The following CSMD1 variants were observed in gnomAD, a reference collection of about 807,000 sequenced individuals.
The protein encoded by CSMD1 is CUB and sushi domain-containing protein 1.
CSMD1 carries 213 observed loss-of-function variants against 417.5 expected under a neutral mutation model. That is an observed-to-expected ratio of 0.51 (90% confidence interval 0.46 to 0.57). The LOEUF (loss-of-function observed/expected upper bound fraction) is 0.57. CSMD1 is among the 20% of genes least tolerant of loss of function. The pLI is 0.00. For missense variants in CSMD1, 6,923 were observed against 4,529.7 expected (o/e 1.53, Z -15.17); for synonymous variants, 2,862 against 1,736.8 (o/e 1.65, Z -16.11).
chr8:4,049,950 C>G (rs1489674809), intron 3 of CSMD1, among the ~76,000 whole-genome samples: 1 of 152,322 alleles, frequency 6.6e-6, no homozygotes, highest in East Asian at 1.9e-4. Flanking sequence ...CGTGCCGTTC[C>G]TCTTTAGGTG....
intron 6 of CSMD1, among the ~76,000 whole-genome samples, chr8:3,734,416 A>C (rs369796288): frequency 6.6e-6 from 1 of 152,210 alleles, no homozygotes; most frequent in Non-Finnish European, 1.5e-5. Context: ...CTCAATTTAA[A>C]ATACAGAAAC....
At chr8:4,373,794 T>C (rs963857765) in intron 3 of CSMD1, among the ~76,000 whole-genome samples, 3 of 152,180 alleles carry the variant, frequency 2.0e-5, no homozygotes, top group South Asian at 2.1e-4. Flanking sequence ...TTTGATAAAT[T>C]TGTTATAGTC....
At chr8:3,157,220 C>G (rs763469577) in intron 39 of CSMD1, among the ~76,000 whole-genome samples, 40 of 152,018 alleles carry the variant, frequency 2.6e-4, no homozygotes, top group Non-Finnish European at 4.7e-4. Flanking sequence ...ATGGGTGAAG[C>G]TGGGGGCCTG....
At chr8:4,451,113 A>AG (rs1216917069) in intron 2 of CSMD1, among the ~76,000 whole-genome samples, 1 of 152,188 alleles carries the variant, frequency 6.6e-6, no homozygotes, top group Non-Finnish European at 1.5e-5. Flanking sequence ...ATTACTCCTG[A>AG]GTTCAAGAGA....
intron 1 of CSMD1, among the ~76,000 whole-genome samples, chr8:4,859,502 A>T (rs973261813): frequency 6.6e-6 from 1 of 152,202 alleles, no homozygotes; most frequent in Non-Finnish European, 1.5e-5. Flanking sequence ...AATTCTCGCA[A>T]CCTACTCATC....
intron 25 of CSMD1, among the ~76,000 whole-genome samples, chr8:3,290,378 C>T (rs1472357590): frequency 6.8e-6 from 1 of 146,646 alleles, no homozygotes; most frequent in African/African-American, 2.7e-5. Context: ...TCATTGGTAA[C>T]TTGAAGGGGA....
chr8:4,845,367 A>C (rs1313864662), intron 1 of CSMD1, among the ~76,000 whole-genome samples: 1 of 152,228 alleles, frequency 6.6e-6, no homozygotes, highest in African/African-American at 2.4e-5. Flanking sequence ...ACACCAACAC[A>C]CACCATACAT....
chr8:3,087,789 A>C (rs1814650955), intron 48 of CSMD1, among the ~76,000 whole-genome samples: 1 of 152,220 alleles, frequency 6.6e-6, no homozygotes, highest in Admixed American at 6.5e-5. Flanking sequence ...GAATGACCTC[A>C]CTCACCTCTC....
chr8:3,637,524 C>G (rs894304696), intron 7 of CSMD1, among the ~76,000 whole-genome samples: 1 of 152,124 alleles, frequency 6.6e-6, no homozygotes, highest in Non-Finnish European at 1.5e-5. Flanking sequence ...AACTACCTGA[C>G]AAGAAGTATA....
chr8:4,440,944 C>T (rs1037170179), intron 2 of CSMD1, among the ~76,000 whole-genome samples: 1 of 151,074 alleles, frequency 6.6e-6, no homozygotes, highest in African/African-American at 2.4e-5. Context: ...TTGCAGCGAG[C>T]CGAGATCATG....
rs1299161056 is a variant in CSMD1, at chr8:3,125,087, A to T, written c.6242-6500T>A. ...CTCTTTTCTCAAATGTCTTTTCCAA[A>T]CTTGGATTCACTGTCACACTTCACA... On this transcript the variant is annotated intron_variant, in intron 41 of 69. Transcript: ENST00000635120. Among the ~76,000 whole-genome samples, 3 of 152,214 alleles carry T rather than the reference A, an allele frequency of 2.0e-5. No homozygotes were observed. The East Asian group carries it at 5.8e-4, about 29-fold the overall frequency.
intron 3 of CSMD1, among the ~76,000 whole-genome samples, chr8:4,184,770 T>C (rs902785607): frequency 3.7e-5 from 1 of 27,136 alleles, no homozygotes; most frequent in African/African-American, 9.9e-5. Flanking sequence ...GGTGATGAAA[T>C]AATCTGTACC....
At chr8:3,778,763 GT>G (rs1373061358) in intron 5 of CSMD1, among the ~76,000 whole-genome samples, 4 of 152,184 alleles carry the variant, frequency 2.6e-5, no homozygotes, top group Non-Finnish European at 5.9e-5. Flanking sequence ...ATAATTGCTT[GT>G]GATTGGGTAT....
At chr8:3,009,343 T>A (rs1808206805) in intron 52 of CSMD1, among the ~76,000 whole-genome samples, 1 of 152,244 alleles carries the variant, frequency 6.6e-6, no homozygotes, top group South Asian at 2.1e-4. Flanking sequence ...TTACTGGTAC[T>A]TATTGCTGAA....
intron 3 of CSMD1, among the ~76,000 whole-genome samples, chr8:4,279,009 G>T (rs766072341): frequency 6.6e-6 from 1 of 152,130 alleles, no homozygotes; most frequent in Non-Finnish European, 1.5e-5. Flanking sequence ...TTTACTGACA[G>T]TTGTTAAAGT....
At chr8:4,213,551 A>G (rs1278604090) in intron 3 of CSMD1, among the ~76,000 whole-genome samples, 1 of 152,214 alleles carries the variant, frequency 6.6e-6, no homozygotes, top group Non-Finnish European at 1.5e-5. Context: ...CAACGTCTAG[A>G]AATAAAACAC....
chr8:4,845,773 G>C (rs1056561041), intron 1 of CSMD1, among the ~76,000 whole-genome samples: 1 of 152,168 alleles, frequency 6.6e-6, no homozygotes, highest in Non-Finnish European at 1.5e-5. Context: ...AGAATCACGT[G>C]AGTAGTATCA....
At chr8:3,327,506 T>A (rs1157734945) in intron 23 of CSMD1, among the ~76,000 whole-genome samples, 1 of 152,216 alleles carries the variant, frequency 6.6e-6, no homozygotes, top group East Asian at 1.9e-4. Context: ...ATACACATCT[T>A]TTTATTAACA....
chr8:3,282,477 G>T (rs1447585730), intron 26 of CSMD1, among the ~76,000 whole-genome samples: 1 of 152,060 alleles, frequency 6.6e-6, no homozygotes, highest in Non-Finnish European at 1.5e-5. Context: ...GCTAAATAAG[G>T]CCAATGAATC....
Sources: gnomAD v4.1 joint callset for allele counts (sites outside exome capture counted in the v4.1 genomes callset) on GRCh38, gnomAD v4.1.1 for gene constraint, MANE v1.5 for transcripts, NCBI Gene and HGNC (gene_info 2026-07-23, HGNC 2026-07-21) for gene names.